The following SERGEF variants were observed in gnomAD, a reference collection of about 807,000 sequenced individuals.
The protein encoded by SERGEF is secretion-regulating guanine nucleotide exchange factor.
Under a neutral mutation model 50.0 loss-of-function variants are expected in SERGEF, and 51 were observed. The observed-to-expected ratio is 1.02, with a 90% CI of 0.81 to 1.29. The LOEUF (loss-of-function observed/expected upper bound fraction) is 1.29, where lower values mean the gene tolerates loss of function less well. Ranked by LOEUF, SERGEF falls within the 50% of genes most tolerant of loss-of-function variation. The probability of loss-of-function intolerance (pLI) is 0.00; values close to 1 mark genes in which losing one functional copy is unlikely to be tolerated. For synonymous variants in SERGEF, 205 were observed against 212.4 expected, an observed-to-expected ratio of 0.97 and a Z score of 0.30; for missense variants, 521 against 557.0, an observed-to-expected ratio of 0.94 and a Z score of 0.65.
chr11:17,918,625 G>GACAC (rs141971282), intron 9 of SERGEF: 4,389 of 307,590 alleles, frequency 0.014, 127 homozygotes, highest in African/African-American at 0.079. Flanking sequence ...AGCAGGAACA[G>GACAC]ACACACACAC....
chr11:17,788,884 A>C (rs1384428138), intron 10 of SERGEF, among the ~76,000 whole-genome samples: 1 of 152,244 alleles, frequency 6.6e-6, no homozygotes, highest in Admixed American at 6.5e-5. Context: ...AAGAGCATCA[A>C]GACAATCTTC....
intron 9 of SERGEF, among the ~76,000 whole-genome samples, chr11:17,916,668 A>C (rs1322172167): frequency 2.0e-5 from 3 of 152,218 alleles, no homozygotes; most frequent in Non-Finnish European, 4.4e-5. Flanking sequence ...CCTGGCACAT[A>C]ATAAGTACTC....
chr11:17,883,059 A>C (rs966724433), intron 9 of SERGEF, among the ~76,000 whole-genome samples: 1 of 152,156 alleles, frequency 6.6e-6, no homozygotes, highest in African/African-American at 2.4e-5. Flanking sequence ...CCCAGAAATG[A>C]GAGAGGTCTG....
chr11:17,855,562 G>A (rs1192129942), intron 10 of SERGEF: 2 of 152,130 alleles, frequency 1.3e-5, no homozygotes, highest in Non-Finnish European at 2.9e-5. Context: ...TGGACACACT[G>A]GACAAAGAGA....
intron 10 of SERGEF, among the ~76,000 whole-genome samples, chr11:17,813,764 C>T (rs897039580): frequency 3.3e-5 from 5 of 152,186 alleles, no homozygotes; most frequent in African/African-American, 7.2e-5. Flanking sequence ...AATGCAACAC[C>T]GCAAACATTA....
At chr11:17,899,415 GC>G (rs1336337992) in intron 9 of SERGEF, among the ~76,000 whole-genome samples, 1 of 152,096 alleles carries the variant, frequency 6.6e-6, no homozygotes, top group Non-Finnish European at 1.5e-5. Context: ...CCTTACTAAA[GC>G]CCTACATTGC....
chr11:17,946,819 T>C (rs1295617101), intron 9 of SERGEF, among the ~76,000 whole-genome samples: 1 of 152,348 alleles, frequency 6.6e-6, no homozygotes, highest in Non-Finnish European at 1.5e-5. Context: ...ATTCTGTTTT[T>C]GTTTCTCTCC....
intron 9 of SERGEF, among the ~76,000 whole-genome samples, chr11:17,902,629 A>G (rs944317268): frequency 2.0e-5 from 3 of 152,256 alleles, no homozygotes; most frequent in Non-Finnish European, 4.4e-5. Flanking sequence ...TACAAAGAAC[A>G]TAAGTTTACT....
chr11:17,821,944 C>T (rs1316153576), intron 10 of SERGEF, among the ~76,000 whole-genome samples: 4 of 152,060 alleles, frequency 2.6e-5, no homozygotes, highest in Non-Finnish European at 1.5e-5. Context: ...GGCAATTCTC[C>T]CCAAAAAAGG....
chr11:17,893,545 T>C (rs1008891849), intron 9 of SERGEF, among the ~76,000 whole-genome samples: 1 of 152,194 alleles, frequency 6.6e-6, no homozygotes, highest in Non-Finnish European at 1.5e-5. Flanking sequence ...ATCAAGGTAA[T>C]TTTCATTGTT....
intron 8 of SERGEF, among the ~76,000 whole-genome samples, chr11:17,963,181 C>CA (rs1164488575): frequency 0.13 from 2,031 of 15,976 alleles, 153 homozygotes; most frequent in Non-Finnish European, 0.16. Flanking sequence ...GACTCTGTTT[C>CA]AAAAAAAAAA....
At chr11:17,809,858 C>T (rs961667307) in intron 10 of SERGEF, among the ~76,000 whole-genome samples, 1 of 152,068 alleles carries the variant, frequency 6.6e-6, no homozygotes, top group African/African-American at 2.4e-5. Context: ...GAATCCAACC[C>T]CAAGGATATG....
At chr11:17,972,347 AT>A (rs1481596015) in intron 8 of SERGEF, among the ~76,000 whole-genome samples, 1 of 152,182 alleles carries the variant, frequency 6.6e-6, no homozygotes, top group Non-Finnish European at 1.5e-5. Flanking sequence ...CTATTGTCTC[AT>A]TTTATGTAAT....
In SERGEF at chr11:17,835,078, T is replaced by C. The variant is rs1186660742; in HGVS notation, c.1048+43130A>G. 2.6e-5 allele frequency among the ~76,000 whole-genome samples: 4 copies of C among 152,344 alleles called. No homozygotes were observed. The East Asian group carries it at 5.8e-4, about 22-fold the overall frequency. ...CAGCCAAGGCAGAGAAGAGCACACA[T>C]TGGACAAATATTATTAATAGTTTCC... On this transcript the variant is annotated intron_variant, in intron 10 of 10. Coordinates refer to ENST00000265965, the MANE Select transcript of SERGEF (RefSeq NM_012139.4).
chr11:18,010,649 C>A (rs1295746119), intron 1 of SERGEF, among the ~76,000 whole-genome samples: 1 of 152,134 alleles, frequency 6.6e-6, no homozygotes, highest in Non-Finnish European at 1.5e-5. Flanking sequence ...TTTCTTCATG[C>A]CACTTCTTGA....
At chr11:17,983,195 C>A (rs1226625448) in intron 8 of SERGEF, among the ~76,000 whole-genome samples, 1 of 152,246 alleles carries the variant, frequency 6.6e-6, no homozygotes, top group African/African-American at 2.4e-5. Context: ...CCAAAAGCAA[C>A]TGGATTCTAG....
intron 10 of SERGEF, among the ~76,000 whole-genome samples, chr11:17,869,687 G>A (rs1249207317): frequency 6.6e-6 from 1 of 152,058 alleles, no homozygotes; most frequent in African/African-American, 2.4e-5. Context: ...ACCTCTTAAT[G>A]CTATCACGTT....
chr11:17,793,850 G>A (rs1849528170), intron 10 of SERGEF, among the ~76,000 whole-genome samples: 1 of 152,210 alleles, frequency 6.6e-6, no homozygotes, highest in South Asian at 2.1e-4. Context: ...TGTGACGAGT[G>A]ATGGAGCTCA....
chr11:17,916,320 G>C (rs1852047500), intron 9 of SERGEF, among the ~76,000 whole-genome samples: 1 of 152,118 alleles, frequency 6.6e-6, no homozygotes, highest in African/African-American at 2.4e-5. Flanking sequence ...AGGAAAATTT[G>C]GCTGAGTGCA....
Sources: allele counts gnomAD v4.1 joint callset (sites outside exome capture counted in the v4.1 genomes callset), GRCh38; gene constraint gnomAD v4.1.1; transcripts MANE v1.5; gene names NCBI Gene and HGNC (gene_info 2026-07-23, HGNC 2026-07-21).